Variants in TDRD9 observed in about 807,000 individuals in gnomAD.
The protein encoded by TDRD9 is ATP-dependent RNA helicase TDRD9.
A neutral mutation model predicts 172.6 loss-of-function variants in TDRD9; 124 were observed. The observed-to-expected ratio is 0.72, with a 90% CI of 0.62 to 0.83. The LOEUF is 0.83. Ranked by LOEUF, TDRD9 falls within the 40% of genes least tolerant of loss-of-function variation. TDRD9 has a pLI of 0.00. For synonymous variants in TDRD9, 619 were observed against 617.1 expected, an observed-to-expected ratio of 1.00 and a Z score of -0.05; for missense variants, 1,479 against 1,714.1, an observed-to-expected ratio of 0.86 and a Z score of 2.42.
At chr14:104,003,708 C>T (rs1381274326) in intron 13 of TDRD9, among the ~76,000 whole-genome samples, 1 of 151,992 alleles carries the variant, frequency 6.6e-6, no homozygotes, top group East Asian at 1.9e-4. Context: ...CTCTGTGGGC[C>T]AGCCTTGGTT....
At chr14:103,981,974 A>G (rs556657452) in intron 7 of TDRD9, among the ~76,000 whole-genome samples, 6 of 152,252 alleles carry the variant, frequency 3.9e-5, no homozygotes, top group South Asian at 2.1e-4. Context: ...TACTGTCAGT[A>G]CTCTTGTCAT....
intron 12 of TDRD9, among the ~76,000 whole-genome samples, chr14:103,996,104 G>T (rs73354487): frequency 6.6e-6 from 1 of 152,188 alleles, no homozygotes; most frequent in African/African-American, 2.4e-5. Context: ...TGTGACTGGA[G>T]GGAGGCAGAT....
rs7492671 is a variant in TDRD9, at chr14:103,938,414, G to A, written c.215+9690G>A. Reference sequence around the variant, plus strand: ...TGTGTGTGTGTGTGTGTGTGTGTGTGTATATATATATATATATATATATAT... The same window carrying A: ...TGTGTGTGTGTGTGTGTGTGTGTGTATATATATATATATATATATATATAT... On this transcript the variant is annotated intron_variant, in intron 1 of 35. Coordinates refer to ENST00000409874, the MANE Select transcript of TDRD9 (RefSeq NM_153046.3). Among the ~76,000 whole-genome samples the A allele has an allele frequency of 8.0e-3, 778 of 97,424 alleles. 7 individuals are homozygous for A. Among genetic ancestry groups the A allele is most frequent in the African/African-American group, 0.021 (447 of 21,686 alleles). 63.9% of individuals were successfully genotyped at this position (97,424 alleles called of 152,430 possible). A position where few individuals can be genotyped will look rare whatever the true frequency, so the allele number is the denominator to read the frequency against.
intron 22 of TDRD9, 114 bp from the exon 23 acceptor site, chr14:104,017,978 A>G: frequency 1.5e-6 from 1 of 662,452 alleles, no homozygotes; most frequent in Non-Finnish European, 2.6e-6. Context: ...GGTTAAAGAT[A>G]GTAAACTATG....
At chr14:103,986,924 G>A (rs555624069) in intron 8 of TDRD9, among the ~76,000 whole-genome samples, 46 of 152,252 alleles carry the variant, frequency 3.0e-4, no homozygotes, top group African/African-American at 1.1e-3. Context: ...AACCATCCTG[G>A]CCAACATGGT....
chr14:104,038,434 G>A (rs1286141091), intron 32 of TDRD9, among the ~76,000 whole-genome samples: 1 of 152,162 alleles, frequency 6.6e-6, no homozygotes, highest in African/African-American at 2.4e-5. Flanking sequence ...TGTGGGTGAG[G>A]AACTATGTCA....
chr14:104,031,347 G>C, intron 29 of TDRD9, 84 bp downstream of exon 29: 1 of 1,264,354 alleles, frequency 7.9e-7, no homozygotes, highest in Non-Finnish European at 1.1e-6. Flanking sequence ...CAGTAGTCAT[G>C]GTGGTTTTTT....
chr14:103,963,201 A>T, intron 3 of TDRD9, 25 bp downstream of exon 3: 1 of 1,496,252 alleles, frequency 6.7e-7, no homozygotes, highest in African/African-American at 1.4e-5. Flanking sequence ...TTATACTGTA[A>T]TTTTGCTGTT....
chr14:103,955,991 T>C (rs2032173279), intron 2 of TDRD9, among the ~76,000 whole-genome samples: 1 of 144,850 alleles, frequency 6.9e-6, no homozygotes. Context: ...ACATCTGTAA[T>C]CCCAGCTACT....
intron 12 of TDRD9, among the ~76,000 whole-genome samples, chr14:103,996,850 G>A (rs1310450286): frequency 6.6e-6 from 1 of 152,202 alleles, no homozygotes; most frequent in Non-Finnish European, 1.5e-5. Context: ...GAGATTGCAG[G>A]TGGAGTGATC....
intron 6 of TDRD9, 83 bp downstream of exon 6, chr14:103,970,704 G>A (rs1014597199): frequency 1.4e-5 from 16 of 1,129,992 alleles, no homozygotes; most frequent in Non-Finnish European, 2.1e-5. Flanking sequence ...GTCTGTTGGT[G>A]TCTATAGAGC....
At chr14:104,045,749 A>G (rs2035754194) in intron 34 of TDRD9, among the ~76,000 whole-genome samples, 2 of 152,190 alleles carry the variant, frequency 1.3e-5, no homozygotes, top group African/African-American at 4.8e-5. Flanking sequence ...GGATTGTTGT[A>G]AAGTGGGTCT....
At position 104,045,521 on chromosome 14, in the gene TDRD9, C is replaced by T. The variant is rs182058369; in HGVS notation, c.3974+3334C>T. ...CGTCTTTTATTGGTTAAGTAATTTG[C>T]GATTAGTTTCACCATTGTGTAGCTT... On this transcript the variant is annotated intron_variant, in intron 34 of 35. Coordinates refer to ENST00000409874, the MANE Select transcript of TDRD9 (RefSeq NM_153046.3). 2.6e-3 allele frequency among the ~76,000 whole-genome samples: 395 copies of T among 151,474 alleles called. 8 individuals are homozygous for T. Among genetic ancestry groups the T allele is most frequent in the Non-Finnish European group, 4.4e-4 (30 of 67,938 alleles).
chr14:103,991,498 T>C (rs1450777911), intron 9 of TDRD9, among the ~76,000 whole-genome samples: 7 of 152,080 alleles, frequency 4.6e-5, no homozygotes, highest in Admixed American at 6.5e-5. Context: ...CTGCAACCTC[T>C]GCCTCCCCGG....
At chr14:103,964,770 G>T (rs1443762309) in intron 3 of TDRD9, among the ~76,000 whole-genome samples, 2 of 152,134 alleles carry the variant, frequency 1.3e-5, no homozygotes, top group Non-Finnish European at 2.9e-5. Context: ...TGATCCGCCC[G>T]CCTTGGCCTC....
At chr14:104,002,089 G>A (rs1313264408) in intron 13 of TDRD9, among the ~76,000 whole-genome samples, 2 of 151,628 alleles carry the variant, frequency 1.3e-5, no homozygotes, top group Middle Eastern at 3.2e-3. Context: ...GGAGGGTGAG[G>A]TGGGCAGACT....
chr14:104,031,468 G>GTTT (rs55696833), intron 29 of TDRD9, among the ~76,000 whole-genome samples: 1,140 of 105,014 alleles, frequency 0.011, 20 homozygotes, highest in South Asian at 0.018. Context: ...GCTTTGACTA[G>GTTT]TTTTTTTTTT....
intron 2 of TDRD9, among the ~76,000 whole-genome samples, chr14:103,959,610 TTA>T (rs1026869126): frequency 3.3e-5 from 5 of 152,182 alleles, no homozygotes; most frequent in African/African-American, 1.2e-4. Context: ...GAACATTTTG[TTA>T]TATCCAGTTA....
At chr14:103,991,082 C>A in intron 8 of TDRD9, 78 bp from the exon 9 acceptor site, 1 of 1,546,136 alleles carries the variant, frequency 6.5e-7, no homozygotes, top group Non-Finnish European at 8.9e-7. Flanking sequence ...GATTAAAAGC[C>A]TGTAATATTA....
Sources: gnomAD v4.1 joint callset for allele counts (sites outside exome capture counted in the v4.1 genomes callset) on GRCh38, gnomAD v4.1.1 for gene constraint, MANE v1.5 for transcripts, NCBI Gene and HGNC (gene_info 2026-07-23, HGNC 2026-07-21) for gene names.